KATNAL1: variants seen among roughly 807,000 people sequenced by gnomAD.
The protein encoded by KATNAL1 is katanin p60 ATPase-containing subunit A-like 1.
KATNAL1 carries 32 observed loss-of-function variants against 55.2 expected under a neutral mutation model. That is an observed-to-expected ratio of 0.58 (90% confidence interval 0.44 to 0.78). KATNAL1 has a LOEUF of 0.78. KATNAL1 is among the 30% of genes least tolerant of loss of function. The probability of loss-of-function intolerance (pLI) is 0.00; values close to 1 mark genes in which losing one functional copy is unlikely to be tolerated. For missense variants in KATNAL1, 466 were observed against 600.9 expected, an observed-to-expected ratio of 0.78 and a Z score of 2.35; for synonymous variants, 193 against 193.6, an observed-to-expected ratio of 1.00 and a Z score of 0.02.
intron 6 of KATNAL1, among the ~76,000 whole-genome samples, chr13:30,232,758 T>C (rs1305742194): frequency 6.6e-6 from 1 of 152,096 alleles, no homozygotes; most frequent in African/African-American, 2.4e-5. Context: ...TTAATTAATT[T>C]CTCTCTTTCC....
intron 9 of KATNAL1, among the ~76,000 whole-genome samples, chr13:30,226,070 C>A (rs968927863): frequency 6.6e-5 from 10 of 152,222 alleles, no homozygotes; most frequent in African/African-American, 2.2e-4. Flanking sequence ...CAATTAAAAT[C>A]ATGAGACAGC....
chr13:30,258,344 G>A (rs949547947), intron 3 of KATNAL1, among the ~76,000 whole-genome samples: 1 of 152,144 alleles, frequency 6.6e-6, no homozygotes, highest in Non-Finnish European at 1.5e-5. Flanking sequence ...ATTTGTAAAT[G>A]TTATTGGTAC....
intron 9 of KATNAL1, among the ~76,000 whole-genome samples, chr13:30,219,055 C>T (rs768439579): frequency 9.9e-5 from 15 of 152,184 alleles, no homozygotes; most frequent in Non-Finnish European, 1.8e-4. Context: ...CATCTAATTA[C>T]ATTAGATGGC....
intron 1 of KATNAL1, among the ~76,000 whole-genome samples, chr13:30,306,397 C>G (rs577211209): frequency 6.6e-6 from 1 of 151,862 alleles, no homozygotes; most frequent in Admixed American, 6.6e-5. Flanking sequence ...TTAAAAGTTA[C>G]TAGTAATTTA....
At chr13:30,306,258 AAAAT>A (rs750835697) in intron 1 of KATNAL1, among the ~76,000 whole-genome samples, 1 of 152,218 alleles carries the variant, frequency 6.6e-6, no homozygotes, top group Non-Finnish European at 1.5e-5. Context: ...CTGAACATAA[AAAAT>A]ATATAAAGAA....
intron 4 of KATNAL1, among the ~76,000 whole-genome samples, chr13:30,246,040 A>T (rs921798963): frequency 6.6e-6 from 1 of 152,228 alleles, no homozygotes. Context: ...AATTAGAAAA[A>T]AACTACTTTA....
chr13:30,223,674 T>C (rs777941479), intron 9 of KATNAL1, among the ~76,000 whole-genome samples: 77 of 152,034 alleles, frequency 5.1e-4, no homozygotes, highest in Non-Finnish European at 7.4e-5. Flanking sequence ...TTTATTTACT[T>C]AACAACAGAA....
intron 1 of KATNAL1, among the ~76,000 whole-genome samples, chr13:30,284,695 A>T (rs146335907): frequency 3.9e-4 from 60 of 152,270 alleles, no homozygotes; most frequent in African/African-American, 1.4e-3. Flanking sequence ...ATCATTCTCT[A>T]TATCTTTTTG....
At chr13:30,302,853 TGCAAG>T (rs1293107433) in intron 1 of KATNAL1, among the ~76,000 whole-genome samples, 5 of 152,176 alleles carry the variant, frequency 3.3e-5, no homozygotes, top group Non-Finnish European at 7.4e-5. Flanking sequence ...TGAACTCAAA[TGCAAG>T]GCACATGTGT....
intron 8 of KATNAL1, among the ~76,000 whole-genome samples, chr13:30,227,756 T>C (rs1566092889): frequency 1.3e-5 from 2 of 149,616 alleles, no homozygotes; most frequent in African/African-American, 2.5e-5. Flanking sequence ...GGGATTTTTT[T>C]TTTCTTTCTT....
At chr13:30,288,867 G>C (rs1170384109) in intron 1 of KATNAL1, among the ~76,000 whole-genome samples, 3 of 152,144 alleles carry the variant, frequency 2.0e-5, no homozygotes, top group African/African-American at 7.2e-5. Context: ...GTCCACAAGA[G>C]CAAATGTTGA....
chr13:30,229,285 C>T (rs1364289307), intron 8 of KATNAL1, among the ~76,000 whole-genome samples: 1 of 151,940 alleles, frequency 6.6e-6, no homozygotes, highest in African/African-American at 2.4e-5. Flanking sequence ...TGGTGCCTCT[C>T]CTGTGTTTTC....
chr13:30,259,166 C>G (rs1299011685), intron 3 of KATNAL1, among the ~76,000 whole-genome samples: 1 of 152,120 alleles, frequency 6.6e-6, no homozygotes, highest in Non-Finnish European at 1.5e-5. Flanking sequence ...ATGGCGAAAC[C>G]CTGTCTCTAC....
rs1478663751 is a variant in KATNAL1 at position 30,202,807 on chromosome 13, A to C, written c.*5733T>G. ...CAAATACTGGGAGACAAACACTGAAACAAAAGTCTTAACAACGCACTTACA... is the reference window on the plus strand; with the variant it reads ...CAAATACTGGGAGACAAACACTGAACCAAAAGTCTTAACAACGCACTTACA... On this transcript the variant is annotated 3_prime_UTR_variant, in exon 11 of 11. Transcript: ENST00000380615. 1 of 152,214 alleles carries C rather than the reference A, an allele frequency of 6.6e-6. No homozygotes were observed. The highest frequency in any genetic ancestry group is 2.4e-5 in the African/African-American group (1 of 41,456). 9.4% of individuals were successfully genotyped at this position (152,214 alleles called of 1,614,324 possible).
At chr13:30,280,328 GA>G (rs1255888462) in intron 2 of KATNAL1, 105 bp from the exon 3 acceptor site, 7 of 732,378 alleles carry the variant, frequency 9.6e-6, no homozygotes, top group South Asian at 7.2e-5. Context: ...GTCAAAGGGT[GA>G]AAAATGAATC....
intron 6 of KATNAL1, among the ~76,000 whole-genome samples, chr13:30,239,235 C>G (rs1877001816): frequency 6.6e-6 from 1 of 152,104 alleles, no homozygotes; most frequent in South Asian, 2.1e-4. Flanking sequence ...CATGGCAAAA[C>G]CCAGCCTCTA....
At chr13:30,274,907 G>GCGCGCACACACACACA (rs869107567) in intron 3 of KATNAL1, among the ~76,000 whole-genome samples, 7 of 105,390 alleles carry the variant, frequency 6.6e-5, no homozygotes, top group African/African-American at 2.4e-4. Context: ...GCGCGCGCGC[G>GCGCGCACACACACACA]CACACACACA....
chr13:30,255,719 C>T (rs1400958965), intron 3 of KATNAL1, 104 bp from the exon 4 acceptor site: 2 of 1,122,508 alleles, frequency 1.8e-6, no homozygotes, highest in South Asian at 3.9e-5. Context: ...AATCAAAAAG[C>T]CCGAAAGCTA....
At chr13:30,234,317 GTTT>G (rs1235279006) in intron 6 of KATNAL1, among the ~76,000 whole-genome samples, 8 of 152,196 alleles carry the variant, frequency 5.3e-5, no homozygotes, top group Non-Finnish European at 1.0e-4. Flanking sequence ...ACCTTCAATG[GTTT>G]ATGCTATTTC....
Sources: allele counts gnomAD v4.1 joint callset (sites outside exome capture counted in the v4.1 genomes callset), GRCh38; gene constraint gnomAD v4.1.1; transcripts MANE v1.5; gene names NCBI Gene and HGNC (gene_info 2026-07-23, HGNC 2026-07-21).